The following TXNRD2 variants were observed in gnomAD, a reference collection of about 807,000 sequenced individuals.
TXNRD2 encodes thioredoxin reductase 2.
Under a neutral mutation model 70.8 loss-of-function variants are expected in TXNRD2, and 67 were observed. That is an observed-to-expected ratio of 0.95 (90% CI 0.78 to 1.16). The LOEUF is 1.16. Among genes scored for constraint, TXNRD2 ranks in the 50% most tolerant of loss-of-function variants. The probability of loss-of-function intolerance (pLI) is 0.00; values close to 1 mark genes in which losing one functional copy is unlikely to be tolerated. For synonymous variants in TXNRD2, 301 were observed against 295.8 expected (o/e 1.02, Z -0.18); for missense variants, 644 against 719.9 (o/e 0.89, Z 1.21).
At chr22:19,916,721 C>T (rs750813523) in intron 5 of TXNRD2, among the ~76,000 whole-genome samples, 1 of 151,914 alleles carries the variant, frequency 6.6e-6, no homozygotes, top group Non-Finnish European at 1.5e-5. Flanking sequence ...CTCACGGAAG[C>T]CTTGTTTCAA....
At chr22:19,925,052 A>T (rs1941072766) in intron 2 of TXNRD2, among the ~76,000 whole-genome samples, 1 of 151,754 alleles carries the variant, frequency 6.6e-6, no homozygotes, top group Non-Finnish European at 1.5e-5. Flanking sequence ...TGGGAGGCCA[A>T]GGGGGGCGGA....
At chr22:19,883,944 CAA>C (rs35225890) in intron 11 of TXNRD2, 17 of 133,458 alleles carry the variant, frequency 1.3e-4, no homozygotes, top group Admixed American at 2.3e-4. Context: ...AACTCTGTCT[CAA>C]AAAAAAAAAA....
At chr22:19,883,204 G>T in intron 12 of TXNRD2, 121 bp downstream of exon 12, 1 of 1,332,332 alleles carries the variant, frequency 7.5e-7, no homozygotes, top group Non-Finnish European at 1.0e-6. Flanking sequence ...TTGGCCCAGA[G>T]CCTCTGTCAT....
chr22:19,877,019 G>C (rs1938536799), intron 17 of TXNRD2, 21 bp downstream of exon 17: 1 of 1,493,776 alleles, frequency 6.7e-7, no homozygotes, highest in African/African-American at 1.4e-5. Flanking sequence ...TCCTCAAACA[G>C]AGCCAGCCCC....
intron 7 of TXNRD2, among the ~76,000 whole-genome samples, chr22:19,912,990 G>T (rs1341836211): frequency 6.6e-6 from 1 of 152,188 alleles, no homozygotes; most frequent in Non-Finnish European, 1.5e-5. Flanking sequence ...TCAAGAGCTT[G>T]GCTGCAGCCT....
At chr22:19,910,112 C>T (rs1940340037) in intron 8 of TXNRD2, among the ~76,000 whole-genome samples, 2 of 152,232 alleles carry the variant, frequency 1.3e-5, no homozygotes, top group Admixed American at 1.3e-4. Flanking sequence ...AAGCCTCTGC[C>T]GCCCTCTGGT....
intron 14 of TXNRD2, 72 bp from the exon 15 acceptor site, chr22:19,878,509 G>T: frequency 1.5e-6 from 2 of 1,360,120 alleles, no homozygotes; most frequent in Non-Finnish European, 2.1e-6. Flanking sequence ...GCTCCCACAG[G>T]CTGCATGGGC....
chr22:19,890,076 C>T (rs1346854797), intron 11 of TXNRD2, among the ~76,000 whole-genome samples: 1 of 152,180 alleles, frequency 6.6e-6, no homozygotes, highest in Non-Finnish European at 1.5e-5. Context: ...GCGTGGGGCA[C>T]CAGGCTGGTG....
chr22:19,926,237 A>G (rs1473278378), intron 2 of TXNRD2, among the ~76,000 whole-genome samples: 1 of 143,238 alleles, frequency 7.0e-6, no homozygotes. Context: ...TGCCTGTAAT[A>G]CCGGCACTCT....
chr22:19,919,564 A>T lies in TXNRD2; in HGVS notation c.208T>A (p.Tyr70Asn). 1 of 1,563,704 alleles carries T rather than the reference A, an allele frequency of 6.4e-7. No homozygotes were observed. Residue 70 changes from tyrosine (Y) to asparagine (N), a missense_variant, in exon 3 of 18, where the codon TAC (tyrosine) becomes AAC (asparagine). This residue lies in a region of TXNRD2 where 566 missense variants were observed against 645.0 expected (regional missense o/e 0.88). Transcript: ENST00000400521. ...QLGRKVAVVD[Y>N]VEPSPQGTRW... ...CTACCTTGGGGAGAAGGTTCCACGT[A>T]GTCCACCACGGCCACCTTCCTTCCC...
chr22:19,909,847 T>TTCAC (rs1377834101), intron 8 of TXNRD2, among the ~76,000 whole-genome samples: 1 of 9,110 alleles, frequency 1.1e-4, no homozygotes, highest in Non-Finnish European at 1.7e-4. Flanking sequence ...ACCCACACCC[T>TTCAC]TCACACACAC....
chr22:19,879,590 C>A (rs1938664093), intron 14 of TXNRD2, among the ~76,000 whole-genome samples: 1 of 135,694 alleles, frequency 7.4e-6, no homozygotes. Context: ...AAACCCTGGG[C>A]AGTCCAGGAA....
intron 8 of TXNRD2, among the ~76,000 whole-genome samples, chr22:19,899,748 C>A (rs1439058077): frequency 6.6e-6 from 1 of 152,246 alleles, no homozygotes; most frequent in East Asian, 1.9e-4. Context: ...ATGCCACACA[C>A]CTGCATGCAC....
chr22:19,912,216 C>T (rs1197574443), intron 7 of TXNRD2, among the ~76,000 whole-genome samples: 3 of 152,124 alleles, frequency 2.0e-5, no homozygotes, highest in Non-Finnish European at 4.4e-5. Flanking sequence ...GTGGAGGAAG[C>T]GGATCTCAAA....
intron 11 of TXNRD2, among the ~76,000 whole-genome samples, chr22:19,892,732 G>C (rs74746057): frequency 0.032 from 4,805 of 152,270 alleles, 272 homozygotes; most frequent in African/African-American, 0.11. Flanking sequence ...AGGAGGGCTA[G>C]GGCGCGGTGG....
In TXNRD2 at chr22:19,878,429, G is replaced by A. The variant is rs1301499289; in HGVS notation, c.1284C>T (p.His428=). The change falls in exon 15 of 18, where the codon CAC becomes CAT. Residue 428 remains histidine (H), a synonymous_variant. Transcript: ENST00000400521. ...RHGQEHVEVY[H]AHYKPLEFTV... Reference sequence around the variant, plus strand: ...TGAACTCCAGTGGTTTATAATGGGCGTGATAGACCTGAGGACAGGATACCA... The same window carrying A: ...TGAACTCCAGTGGTTTATAATGGGCATGATAGACCTGAGGACAGGATACCA... 1.1e-5 allele frequency: 18 copies of A among 1,613,496 alleles called. No homozygotes were observed. Among genetic ancestry groups the A allele is most frequent in the Non-Finnish European group, 1.4e-5 (16 of 1,179,996 alleles).
rs956218973 is a variant in TXNRD2 at position 19,896,818 on chromosome 22, G to A, written c.774+1221C>T. Among the ~76,000 whole-genome samples, 9 of 152,118 alleles carry A rather than the reference G, an allele frequency of 5.9e-5. No homozygotes were observed. The East Asian group carries it at 7.7e-4, about 13-fold the overall frequency. ...GGCGTGTGTGGGAGTCTGGCCCGCC[G>A]GGCAGGGCTGGCTGTGCTGCAGAGG... is the stretch of plus-strand genomic sequence containing the variant. On this transcript the variant is annotated intron_variant, in intron 10 of 17. Transcript: ENST00000400521.
intron 2 of TXNRD2, among the ~76,000 whole-genome samples, chr22:19,920,529 G>T (rs1434722712): frequency 6.6e-6 from 1 of 151,942 alleles, no homozygotes; most frequent in Non-Finnish European, 1.5e-5. Flanking sequence ...GCTGCAGTGA[G>T]CAGAGATCAC....
At chr22:19,921,106 CAA>C (rs33910378) in intron 2 of TXNRD2, among the ~76,000 whole-genome samples, 8 of 84,274 alleles carry the variant, frequency 9.5e-5, no homozygotes, top group African/African-American at 9.9e-5. Flanking sequence ...GACTCTGTCT[CAA>C]AAAAAAAAAA....
Sources: gnomAD v4.1 joint callset for allele counts (sites outside exome capture counted in the v4.1 genomes callset) on GRCh38, gnomAD v4.1.1 for gene constraint, gnomAD v4.1.1 regional missense constraint, MANE v1.5 for transcripts, NCBI Gene and HGNC (gene_info 2026-07-23, HGNC 2026-07-21) for gene names.